The following RIF1 variants were observed in gnomAD, a reference collection of about 807,000 sequenced individuals.
RIF1 encodes the protein telomere-associated protein RIF1.
In RIF1, 45 loss-of-function variants were observed where a neutral mutation model predicts 247.1. The observed-to-expected ratio is 0.18, with a 90% CI of 0.14 to 0.23. RIF1 has a LOEUF of 0.23. Among genes scored for constraint, RIF1 ranks in the 10% least tolerant of loss-of-function variants. The probability of loss-of-function intolerance (pLI) is 1.00; values close to 1 mark genes in which losing one functional copy is unlikely to be tolerated. For missense variants in RIF1, 2,967 were observed against 2,862.5 expected (o/e 1.04, Z -0.83); for synonymous variants, 1,087 against 978.8 (o/e 1.11, Z -2.06).
At chr2:151,500,021 C>G (rs2063220538) in intron 11 of RIF1, among the ~76,000 whole-genome samples, 2 of 152,120 alleles carry the variant, frequency 1.3e-5, no homozygotes, top group African/African-American at 4.8e-5. Context: ...AATATACTTA[C>G]TGTAGTATAC....
intron 11 of RIF1, among the ~76,000 whole-genome samples, chr2:151,500,592 C>CCTT (rs2063694892): frequency 8.3e-6 from 1 of 120,154 alleles, no homozygotes; most frequent in African/African-American, 2.7e-5. Context: ...TTTCTTTCTT[C>CCTT]CTTTTTTTTT....
intron 9 of RIF1, chr2:151,492,122 C>A: frequency 6.2e-7 from 1 of 1,613,896 alleles, no homozygotes; most frequent in South Asian, 1.1e-5. Flanking sequence ...TGATCTTGGT[C>A]ATTCCGTTTT....
At chr2:151,497,811 A>C in intron 10 of RIF1, 1 of 1,533,780 alleles carries the variant, frequency 6.5e-7, no homozygotes, top group East Asian at 2.5e-5. Context: ...CAGTCATCCA[A>C]GGAGCCAGAA....
chr2:151,410,569 A>T (rs746383270), intron 2 of RIF1, 42 bp downstream of exon 2: 1 of 1,488,104 alleles, frequency 6.7e-7, no homozygotes, highest in Non-Finnish European at 9.3e-7. Context: ...GGGGCGCTCT[A>T]TAGTGGGGAG....
intron 31 of RIF1, 128 bp downstream of exon 31, chr2:151,468,274 G>C (rs904084375): frequency 4.9e-6 from 5 of 1,015,962 alleles, no homozygotes; most frequent in South Asian, 1.7e-5. Flanking sequence ...TCTTTTGTCT[G>C]GTACACGGTA....
chr2:151,415,579 A>AAC (rs1687067856), intron 4 of RIF1, among the ~76,000 whole-genome samples: 1 of 16,178 alleles, frequency 6.2e-5, no homozygotes, highest in South Asian at 0.083. Context: ...AAAAAAAAAA[A>AAC]AAAAAAGGAT....
At chr2:151,517,830 C>A in the RIF1 span, among the ~76,000 whole-genome samples, 1 of 152,208 alleles carries the variant, frequency 6.6e-6, no homozygotes, top group Non-Finnish European at 1.5e-5. Flanking sequence ...CCATTATAAT[C>A]TTATGGGACC....
chr2:151,480,797 AAG>A lies in RIF1; in HGVS notation c.*5728_*5729del, dbSNP rs1306301677. 6.6e-6 allele frequency: 1 copy of A among 152,166 alleles called. No homozygotes were observed. The highest frequency in any genetic ancestry group is 1.5e-5 in the Non-Finnish European group (1 of 68,014). The allele number at this position is 152,166 out of a possible 1,614,324, so 9.4% of individuals were successfully genotyped here. On this transcript the variant is annotated 3_prime_UTR_variant, in exon 36 of 36. Transcript: ENST00000444746. ...TTTTTATAGAATAGGAAGTTTCTAA[AAG>A]AAAACAATTAAGAGCAAAATTGGTT...
At chr2:151,517,685 A>G in the RIF1 span, among the ~76,000 whole-genome samples, 2 of 152,324 alleles carry the variant, frequency 1.3e-5, no homozygotes, top group South Asian at 2.1e-4. Context: ...CCTGTACAGC[A>G]TATTATTTTA....
chr2:151,455,678 G>T (rs1426748286), intron 22 of RIF1, among the ~76,000 whole-genome samples: 1 of 152,132 alleles, frequency 6.6e-6, no homozygotes, highest in South Asian at 2.1e-4. Flanking sequence ...GAGGATGTGT[G>T]TAGGTTACAT....
chr2:151,487,555 C>A (rs890604006), intron 9 of RIF1, among the ~76,000 whole-genome samples: 1 of 152,078 alleles, frequency 6.6e-6, no homozygotes, highest in African/African-American at 2.4e-5. Flanking sequence ...CCCTTTTTGA[C>A]TGCTGCAGAG....
downstream of RIF1, among the ~76,000 whole-genome samples, chr2:151,512,368 C>A (rs145672571): frequency 2.6e-5 from 4 of 151,120 alleles, no homozygotes; most frequent in African/African-American, 9.8e-5. Context: ...CACCCTGTCA[C>A]CCAGGGGACT....
downstream of RIF1, among the ~76,000 whole-genome samples, chr2:151,482,677 A>G (rs780093328): frequency 4.6e-5 from 7 of 152,228 alleles, no homozygotes; most frequent in Non-Finnish European, 1.0e-4. Flanking sequence ...AACAACAACA[A>G]CAACAATTAG....
At chr2:151,454,847 T>G (rs904696371) in intron 21 of RIF1, 48 bp from the exon 22 acceptor site, 2 of 1,403,398 alleles carry the variant, frequency 1.4e-6, no homozygotes, top group African/African-American at 2.9e-5. Context: ...CAGTGACTCC[T>G]ATTTTCAATT....
At chr2:151,444,212 A>G (rs558605231) in intron 18 of RIF1, among the ~76,000 whole-genome samples, 1 of 152,346 alleles carries the variant, frequency 6.6e-6, no homozygotes, top group South Asian at 2.1e-4. Context: ...AGTTCTGTTT[A>G]TGATTTGTCA....
At chr2:151,455,323 G>C (rs1035035403) in intron 22 of RIF1, among the ~76,000 whole-genome samples, 164 bp downstream of exon 22, 1 of 152,186 alleles carries the variant, frequency 6.6e-6, no homozygotes, top group Non-Finnish European at 1.5e-5. Flanking sequence ...AAATAGTATA[G>C]AAATATGAGA....
At chr2:151,523,659 G>C in the RIF1 span, among the ~76,000 whole-genome samples, 3 of 152,172 alleles carry the variant, frequency 2.0e-5, no homozygotes, top group Non-Finnish European at 4.4e-5. Context: ...CCTAACAAGG[G>C]AAAATAAGTC....
chr2:151,482,838 T>C (rs868324867), downstream of RIF1, among the ~76,000 whole-genome samples: 3 of 152,180 alleles, frequency 2.0e-5, 1 homozygote, highest in Middle Eastern at 6.3e-3. Context: ...TTGTTCCTTC[T>C]AAGGACTGTG....
In RIF1 at chr2:151,503,203, A is replaced by G. The variant is rs1575321080; in HGVS notation, c.*861+18A>G. On this transcript the variant is annotated intron_variant and NMD_transcript_variant, in intron 12 of 13. Transcript: ENST00000454583. Reference sequence around the variant, plus strand: ...TCGGAAATGTGAGTCATTTTGTATTAACATAATTTTGGTCAGGTAATAATA... The same window carrying G: ...TCGGAAATGTGAGTCATTTTGTATTGACATAATTTTGGTCAGGTAATAATA... 7.9e-6 allele frequency: 5 copies of G among 631,574 alleles called. No homozygotes were observed. In the East Asian group the frequency reaches 1.4e-4, roughly 18 times the overall value. 39.1% of individuals were successfully genotyped at this position (631,574 alleles called of 1,614,324 possible).
Sources: allele counts gnomAD v4.1 joint callset (sites outside exome capture counted in the v4.1 genomes callset), GRCh38; gene constraint gnomAD v4.1.1; transcripts MANE v1.5; gene names NCBI Gene and HGNC (gene_info 2026-07-23, HGNC 2026-07-21).